The following CDKAL1 variants were observed in gnomAD, a reference collection of about 807,000 sequenced individuals.
CDKAL1 encodes the protein CDKAL1 threonylcarbamoyladenosine tRNA methylthiotransferase.
In CDKAL1, 32 loss-of-function variants were observed where a neutral mutation model predicts 68.2. That is an observed-to-expected ratio of 0.47 (90% CI 0.35 to 0.63). The LOEUF (loss-of-function observed/expected upper bound fraction) is 0.63. CDKAL1 is among the 30% of genes least tolerant of loss of function. The pLI is 0.00. For missense variants in CDKAL1, 606 were observed against 696.7 expected, an observed-to-expected ratio of 0.87 and a Z score of 1.47; for synonymous variants, 234 against 244.3, an observed-to-expected ratio of 0.96 and a Z score of 0.39.
chr6:21,177,686 A>C (rs1385249915), intron 13 of CDKAL1, among the ~76,000 whole-genome samples: 1 of 151,566 alleles, frequency 6.6e-6, no homozygotes, highest in African/African-American at 2.4e-5. Flanking sequence ...TTTCAGTAGC[A>C]AAGAGATATA....
At chr6:20,944,809 G>A (rs911769139) in intron 9 of CDKAL1, among the ~76,000 whole-genome samples, 2 of 152,136 alleles carry the variant, frequency 1.3e-5, no homozygotes, top group East Asian at 1.9e-4. Context: ...TTATTATAAT[G>A]GTATTAAAAT....
intron 11 of CDKAL1, among the ~76,000 whole-genome samples, chr6:21,016,072 T>A (rs374567557): frequency 1.2e-4 from 18 of 152,094 alleles, no homozygotes; most frequent in African/African-American, 4.3e-4. Flanking sequence ...ATATGTTCAC[T>A]GCCTTCAAAT....
chr6:21,056,702 T>C (rs1225036297), intron 11 of CDKAL1, among the ~76,000 whole-genome samples: 1 of 152,236 alleles, frequency 6.6e-6, no homozygotes, highest in Non-Finnish European at 1.5e-5. Flanking sequence ...GTTCCATCAA[T>C]ACCTAGTTAA....
intron 5 of CDKAL1, among the ~76,000 whole-genome samples, chr6:20,670,669 A>G (rs1329811277): frequency 1.3e-5 from 2 of 152,198 alleles, no homozygotes; most frequent in Non-Finnish European, 2.9e-5. Context: ...TATTTATGTC[A>G]GTGTAGACTC....
chr6:20,593,071 C>T (rs1327755436), intron 4 of CDKAL1, among the ~76,000 whole-genome samples: 1 of 152,072 alleles, frequency 6.6e-6, no homozygotes, highest in Non-Finnish European at 1.5e-5. Context: ...TTTGGTTTGC[C>T]AGTATTTTAT....
intron 9 of CDKAL1, among the ~76,000 whole-genome samples, chr6:20,900,574 G>A (rs921482337): frequency 6.6e-6 from 1 of 152,226 alleles, no homozygotes. Flanking sequence ...ATGAGGCTGA[G>A]TGTCATTAAC....
At position 20,550,993 on chromosome 6, in the gene CDKAL1, G is replaced by A. The variant is rs150745720; in HGVS notation, c.286+2288G>A. On this transcript the variant is annotated intron_variant, in intron 4 of 15. Transcript: ENST00000274695. The stretch of plus-strand genomic sequence containing the variant: ...GGATTCTCCTGGCTCAGCCTCCCGA[G>A]TAGCTGGGACTTCAGGTGCCCGCCA... 3.1e-3 allele frequency among the ~76,000 whole-genome samples: 462 copies of A among 151,084 alleles called. 2 individuals are homozygous for A. The highest frequency in any genetic ancestry group is 0.011 in the African/African-American group (447 of 41,124).
rs547923386 is a variant in CDKAL1 at position 21,093,694 on chromosome 6, C to CTTTTTTTTT, written c.1237-14675_1237-14667dup. On this transcript the variant is annotated intron_variant, in intron 12 of 15. Coordinates refer to ENST00000274695, the MANE Select transcript of CDKAL1 (RefSeq NM_017774.3). Reference sequence around the variant, plus strand: ...ATAACCAACTGAGCTGCTGCTGCTGCTTTTTTTTTTTTTTTTTTTTTTTTT... The same window carrying CTTTTTTTTT: ...ATAACCAACTGAGCTGCTGCTGCTGCTTTTTTTTTTTTTTTTTTTTTTTTTTTTTTTTTT... Among the ~76,000 whole-genome samples the CTTTTTTTTT allele has an allele frequency of 1.5e-4, 13 of 88,088 alleles. 3 individuals are homozygous for CTTTTTTTTT. Among genetic ancestry groups the CTTTTTTTTT allele is most frequent in the African/African-American group, 4.1e-4 (9 of 21,932 alleles). 57.8% of individuals were successfully genotyped at this position (88,088 alleles called of 152,430 possible). A position where few individuals can be genotyped will look rare whatever the true frequency, so the allele number is the denominator to read the frequency against.
chr6:20,722,160 T>G (rs1772408972), intron 5 of CDKAL1, among the ~76,000 whole-genome samples: 1 of 152,184 alleles, frequency 6.6e-6, no homozygotes, highest in African/African-American at 2.4e-5. Context: ...TTTTCCATCT[T>G]TAATTATGAA....
chr6:20,704,681 A>G (rs1771520555), intron 5 of CDKAL1, among the ~76,000 whole-genome samples: 1 of 152,190 alleles, frequency 6.6e-6, no homozygotes, highest in Non-Finnish European at 1.5e-5. Flanking sequence ...ACCAGAAAAC[A>G]AGGATATATG....
intron 3 of CDKAL1, 34 bp from the exon 4 acceptor site, chr6:20,548,559 A>C: frequency 1.0e-6 from 1 of 975,726 alleles, no homozygotes. Context: ...ACTCAATGAA[A>C]CTTACTTTTT....
chr6:20,548,765 T>A (rs1763704295), intron 4 of CDKAL1, 60 bp downstream of exon 4: 1 of 751,780 alleles, frequency 1.3e-6, no homozygotes, highest in East Asian at 2.7e-5. Context: ...CTTTTAGAGA[T>A]AAATAGCCTA....
chr6:20,854,142 T>C (rs7771981), intron 9 of CDKAL1, among the ~76,000 whole-genome samples: 1,683 of 152,260 alleles, frequency 0.011, 24 homozygotes, highest in African/African-American at 0.038. Flanking sequence ...GAGTAGCAAG[T>C]TGGACTAATG....
intron 14 of CDKAL1, among the ~76,000 whole-genome samples, chr6:21,198,520 AGTTGGTTG>A (rs938768695): frequency 9.9e-5 from 15 of 152,064 alleles, no homozygotes; most frequent in Middle Eastern, 3.4e-3. Flanking sequence ...CAGTTTTTTT[AGTTGGTTG>A]GTTGATTGGT....
chr6:20,942,091 A>C (rs1300197899), intron 9 of CDKAL1, among the ~76,000 whole-genome samples: 3 of 152,168 alleles, frequency 2.0e-5, no homozygotes, highest in African/African-American at 7.2e-5. Flanking sequence ...TTGTTGATTT[A>C]GCTCCTTTTA....
At chr6:20,603,344 A>G in intron 4 of CDKAL1, among the ~76,000 whole-genome samples, 1 of 152,212 alleles carries the variant, frequency 6.6e-6, no homozygotes, top group East Asian at 1.9e-4. Context: ...GGTTGGGAAC[A>G]AGCAGCAGCT....
At chr6:20,725,799 A>AAG (rs1772623363) in intron 5 of CDKAL1, among the ~76,000 whole-genome samples, 1 of 151,546 alleles carries the variant, frequency 6.6e-6, no homozygotes, top group African/African-American at 2.4e-5. Context: ...AAAAAAAAAA[A>AAG]AAAAAGAAAA....
chr6:20,775,408 C>T (rs1775131105), intron 7 of CDKAL1, among the ~76,000 whole-genome samples: 1 of 152,180 alleles, frequency 6.6e-6, no homozygotes, highest in Non-Finnish European at 1.5e-5. Flanking sequence ...GCTCAGTGAG[C>T]AGCCATTCTT....
chr6:20,654,071 T>C (rs1475312667), intron 5 of CDKAL1, among the ~76,000 whole-genome samples: 1 of 151,558 alleles, frequency 6.6e-6, no homozygotes, highest in Non-Finnish European at 1.5e-5. Flanking sequence ...TTAGTAGAGA[T>C]GTGGTTTCAC....
Sources: allele counts gnomAD v4.1 joint callset (sites outside exome capture counted in the v4.1 genomes callset), GRCh38; gene constraint gnomAD v4.1.1; transcripts MANE v1.5; gene names NCBI Gene and HGNC (gene_info 2026-07-23, HGNC 2026-07-21).